The following PITPNM2 variants were observed in gnomAD, a reference collection of about 807,000 sequenced individuals.
The protein encoded by PITPNM2 is phosphatidylinositol transfer protein membrane associated 2, also known as membrane-associated phosphatidylinositol transfer protein 2.
A neutral mutation model predicts 132.2 loss-of-function variants in PITPNM2; 35 were observed. The ratio of observed to expected loss-of-function variants is 0.26; its 90% CI spans 0.20 to 0.35. The LOEUF is 0.35. Among genes scored for constraint, PITPNM2 ranks in the 10% least tolerant of loss-of-function variants. The pLI, the probability that PITPNM2 is intolerant of heterozygous loss-of-function variation, is 1.00. For missense variants in PITPNM2, 1,332 were observed against 1,912.0 expected (o/e 0.70, Z 5.66); for synonymous variants, 738 against 799.2 (o/e 0.92, Z 1.29).
chr12:123,124,334 AG>A (rs2043093734), intron 1 of PITPNM2, among the ~76,000 whole-genome samples: 1 of 152,158 alleles, frequency 6.6e-6, no homozygotes, highest in African/African-American at 2.4e-5. Flanking sequence ...TGGGAGACTG[AG>A]GCAGGAGAAT....
intron 2 of PITPNM2, chr12:123,075,747 C>G (rs928174206): frequency 6.6e-6 from 1 of 152,324 alleles, no homozygotes. Flanking sequence ...TACTTTAGAG[C>G]AGCCGCTGAG....
intron 2 of PITPNM2, chr12:123,091,602 T>C (rs2042271946): frequency 6.6e-6 from 1 of 152,282 alleles, no homozygotes; most frequent in Admixed American, 6.5e-5. Flanking sequence ...CATTTCCCTA[T>C]GGCACAAAGG....
Position 123,010,295 on chromosome 12 carries a change from G to T in PITPNM2, c.416-218C>A, listed in dbSNP as rs1388269737. 2.6e-5 allele frequency among the ~76,000 whole-genome samples: 4 copies of T among 152,152 alleles called. No homozygotes were observed. The South Asian group carries it at 6.2e-4, about 24-fold the overall frequency. ...GGTGCATTCATTCATTCAGATAAGG[G>T]TCTTGCTATGTTGCCCAGGCTCAAG... On this transcript the variant is annotated intron_variant, in intron 5 of 25. Transcript: ENST00000320201.
intron 2 of PITPNM2, among the ~76,000 whole-genome samples, chr12:123,075,373 C>T (rs899184661): frequency 1.3e-5 from 2 of 152,214 alleles, no homozygotes; most frequent in East Asian, 1.9e-4. Context: ...ATCTCTGACC[C>T]GCATCAGAGC....
rs1472367551 is a variant in PITPNM2, at chr12:123,097,861, C to T, written c.-96+12524G>A. On this transcript the variant is annotated intron_variant, in intron 2 of 25. Coordinates refer to ENST00000320201, the MANE Select transcript of PITPNM2 (RefSeq NM_020845.3). The surrounding 1 kb of genome is among the most constrained non-coding windows in gnomAD (Gnocchi z 4.7). The stretch of plus-strand genomic sequence containing the variant: ...GCAGTGGGTATGAGGAACAGCTGGA[C>T]AGAGCTCGGAAAGCGGCTGCAGCCA... 6.6e-6 allele frequency among the ~76,000 whole-genome samples: 1 copy of T among 152,226 alleles called. No homozygotes were observed. Among genetic ancestry groups the T allele is most frequent in the Non-Finnish European group, 1.5e-5 (1 of 68,038 alleles).
chr12:122,995,013 G>A (rs1281654564), intron 14 of PITPNM2, 34 bp from the exon 15 acceptor site: 2 of 1,543,964 alleles, frequency 1.3e-6, no homozygotes, highest in Non-Finnish European at 1.7e-6. Context: ...CTGTCATGTG[G>A]GTGCAGCTGC....
chr12:123,125,437 T>G (rs2043117262), intron 1 of PITPNM2, among the ~76,000 whole-genome samples: 1 of 152,196 alleles, frequency 6.6e-6, no homozygotes, highest in Non-Finnish European at 1.5e-5. Context: ...TGATGGTTCA[T>G]TTAAGTTGAT....
chr12:123,138,310 T>G (rs1269571749), intron 1 of PITPNM2, among the ~76,000 whole-genome samples: 1 of 151,834 alleles, frequency 6.6e-6, no homozygotes, highest in East Asian at 1.9e-4. Context: ...TATCCAGACA[T>G]GGTGGTGCGT....
In PITPNM2 at chr12:122,993,025, C is replaced by T. The variant is rs551108791; in HGVS notation, c.2234-356G>A. ...TATTTTTTGTAGAGATGGGGTCTTA[C>T]TATGTTATCCAGGCTGGTCTCAAAC... On this transcript the variant is annotated intron_variant, in intron 15 of 25. Transcript: ENST00000320201. The surrounding 1 kb of genome is among the most constrained non-coding windows in gnomAD (Gnocchi z 5.2). Among the ~76,000 whole-genome samples the T allele has an allele frequency of 6.6e-6, 1 of 152,058 alleles. No individual in the cohort carries two copies. Among genetic ancestry groups the T allele is most frequent in the Non-Finnish European group, 1.5e-5 (1 of 68,026 alleles).
intron 2 of PITPNM2, chr12:123,081,424 C>G (rs1238649816): frequency 6.6e-6 from 1 of 152,334 alleles, no homozygotes; most frequent in South Asian, 2.1e-4. Context: ...TAGGTCCCCC[C>G]CCACTCCTTA....
At chr12:123,003,619 T>G (rs2038791359) in intron 8 of PITPNM2, among the ~76,000 whole-genome samples, 1 of 152,254 alleles carries the variant, frequency 6.6e-6, no homozygotes. Context: ...TGCCACCTTA[T>G]GTGGTTCCTG....
chr12:123,140,960 A>T (rs2043493353), intron 1 of PITPNM2, among the ~76,000 whole-genome samples: 1 of 152,038 alleles, frequency 6.6e-6, no homozygotes, highest in Admixed American at 6.6e-5. Flanking sequence ...AAAAAAGAAA[A>T]GGGAAAAAAA....
intron 6 of PITPNM2, among the ~76,000 whole-genome samples, chr12:123,007,089 G>A (rs779217934): frequency 2.6e-5 from 4 of 152,130 alleles, no homozygotes; most frequent in Admixed American, 6.5e-5. Context: ...CTTGTCATGC[G>A]TTTTGCCTTC....
At position 123,017,104 on chromosome 12, in the gene PITPNM2, CTCA is replaced by C. The variant is rs1223683617; in HGVS notation, c.79-3065_79-3063del. ...TAGTTTAGCAGGGCAGGCATGGTGG[CTCA>C]CTCCTGTAATCCCAGCACTTTGGGA... On this transcript the variant is annotated intron_variant, in intron 3 of 25. Coordinates refer to ENST00000320201, the MANE Select transcript of PITPNM2 (RefSeq NM_020845.3). Among the ~76,000 whole-genome samples, 6 of 150,892 alleles carry C rather than the reference CTCA, an allele frequency of 4.0e-5. No homozygotes were observed. In the East Asian group the frequency reaches 1.2e-3, roughly 29 times the overall value.
chr12:123,121,655 C>T (rs2043034449), intron 1 of PITPNM2, among the ~76,000 whole-genome samples: 1 of 151,630 alleles, frequency 6.6e-6, no homozygotes, highest in Non-Finnish European at 1.5e-5. Flanking sequence ...AAACAAACCT[C>T]CTGCCTCAGC....
rs534151093 is a variant in PITPNM2, at chr12:123,024,648, G to A, written c.78+9865C>T. On this transcript the variant is annotated intron_variant, in intron 3 of 25. Transcript: ENST00000320201. Reference sequence around the variant, plus strand: ...GAGGGATGAACCCTGGAAATATTATGCTGAGTGAAAGAAGCCAGACACAAA... The same window carrying A: ...GAGGGATGAACCCTGGAAATATTATACTGAGTGAAAGAAGCCAGACACAAA... 1.2e-4 allele frequency among the ~76,000 whole-genome samples: 19 copies of A among 152,292 alleles called. No individual in the cohort carries two copies. The South Asian group carries it at 3.3e-3, about 27-fold the overall frequency.
At position 123,099,501 on chromosome 12, in the gene PITPNM2, A is replaced by G. The variant is rs2137209394; in HGVS notation, c.-96+10884T>C. On this transcript the variant is annotated intron_variant, in intron 2 of 25. Transcript: ENST00000320201. The surrounding 1 kb of genome is among the most constrained non-coding windows in gnomAD (Gnocchi z 4.2). ...CCTGGGGGCTCTGGGCCCTACCTGC[A>G]GCACTGGCAGACTTCCCACAAGCTC... Among the ~76,000 whole-genome samples the G allele has an allele frequency of 6.6e-6, 1 of 152,318 alleles. No individual in the cohort carries two copies. The highest frequency in any genetic ancestry group is 2.1e-4 in the South Asian group (1 of 4,828).
intron 2 of PITPNM2, among the ~76,000 whole-genome samples, chr12:123,052,876 G>C (rs2040908480): frequency 6.7e-6 from 1 of 149,600 alleles, no homozygotes; most frequent in South Asian, 2.1e-4. Context: ...CCTTGTAAAA[G>C]AGTTGTAACA....
intron 2 of PITPNM2, among the ~76,000 whole-genome samples, chr12:123,037,842 G>T (rs1592964142): frequency 6.6e-6 from 1 of 152,240 alleles, no homozygotes; most frequent in East Asian, 1.9e-4. Context: ...ACTGGCTTGG[G>T]TCTCTGATTT....
Sources: allele counts gnomAD v4.1 joint callset (sites outside exome capture counted in the v4.1 genomes callset), GRCh38; gene constraint gnomAD v4.1.1; non-coding constraint Gnocchi (gnomAD v3.1); transcripts MANE v1.5; gene names NCBI Gene and HGNC (gene_info 2026-07-23, HGNC 2026-07-21).